The following PCDHGB1 variants were observed in gnomAD, a reference collection of about 807,000 sequenced individuals.
PCDHGB1 encodes the protein protocadherin gamma-B1.
A neutral mutation model predicts 56.6 loss-of-function variants in PCDHGB1; 34 were observed. The observed-to-expected ratio is 0.60, with a 90% CI of 0.46 to 0.80. The LOEUF (loss-of-function observed/expected upper bound fraction) is 0.80, where lower values mean the gene tolerates loss of function less well. PCDHGB1 is among the 30% of genes least tolerant of loss of function. PCDHGB1 has a pLI of 0.00. For missense variants in PCDHGB1, 1,278 were observed against 1,204.6 expected, an observed-to-expected ratio of 1.06 and a Z score of -0.90; for synonymous variants, 561 against 505.9, an observed-to-expected ratio of 1.11 and a Z score of -1.46.
rs112156044 is a variant in PCDHGB1, at chr5:141,476,771, G to A, written c.2410-18036G>A. The A allele has an allele frequency of 6.2e-7, 1 of 1,613,700 alleles. No homozygotes were observed. The highest frequency in any genetic ancestry group is 1.3e-5 in the African/African-American group (1 of 75,036). On this transcript the variant is annotated intron_variant, in intron 1 of 3. Coordinates refer to ENST00000523390, the MANE Select transcript of PCDHGB1 (RefSeq NM_018922.3). The surrounding 1 kb of genome is among the most constrained non-coding windows in gnomAD (Gnocchi z 7.6). ...CCAGTTAGTGCTGACGGCGTTGGAC[G>A]GAGGGACCCCAGCTCTCTCCGCCAG...
chr5:141,424,616 T>C (rs1487572877), intron 1 of PCDHGB1: 1 of 152,152 alleles, frequency 6.6e-6, no homozygotes, highest in Non-Finnish European at 1.5e-5. Flanking sequence ...TCAAATAGAG[T>C]AGTTTGTGAA....
chr5:141,441,813 A>T, intron 1 of PCDHGB1: 1 of 365,242 alleles, frequency 2.7e-6, no homozygotes, highest in South Asian at 2.3e-5. Context: ...GCTGTACCCC[A>T]GCTCTGGAGC....
intron 1 of PCDHGB1, chr5:141,492,069 C>A (rs1595083522): frequency 2.1e-6 from 1 of 475,880 alleles, no homozygotes; most frequent in East Asian, 3.3e-5. Context: ...GCCTCCTAGG[C>A]GCCGGCTCCG....
At chr5:141,422,900 A>G (rs2096684887) in intron 1 of PCDHGB1, 2 of 1,614,220 alleles carry the variant, frequency 1.2e-6, no homozygotes, top group South Asian at 2.2e-5. Flanking sequence ...GACCAGAACG[A>G]CAATGCGCCC....
chr5:141,376,737 A>C, intron 1 of PCDHGB1: 1 of 500,806 alleles, frequency 2.0e-6, no homozygotes, highest in Non-Finnish European at 3.3e-6. Context: ...CGGACTGCGG[A>C]CTGCAGTGGC....
intron 1 of PCDHGB1, chr5:141,478,292 CTATA>C (rs1257685524): frequency 6.2e-7 from 1 of 1,614,146 alleles, no homozygotes; most frequent in Admixed American, 1.7e-5. Flanking sequence ...GTCTAGAGAC[CTATA>C]CCGAGCCCCG....
chr5:141,423,246 G>A, intron 1 of PCDHGB1: 15 of 1,613,922 alleles, frequency 9.3e-6, no homozygotes, highest in Non-Finnish European at 1.3e-5. Context: ...CCGAAGTCCT[G>A]GCGGACCTCG....
In PCDHGB1 at chr5:141,431,375, G is replaced by T. The variant is rs139873616; in HGVS notation, c.2410-63432G>T. ...ACGCGCCCTGGACCGCGAAGAAAAGGCTGCTCACCACCTGGTCCTTACGGC... is the reference window on the plus strand; with the variant it reads ...ACGCGCCCTGGACCGCGAAGAAAAGTCTGCTCACCACCTGGTCCTTACGGC... On this transcript the variant is annotated intron_variant, in intron 1 of 3. Coordinates refer to ENST00000523390, the MANE Select transcript of PCDHGB1 (RefSeq NM_018922.3). This position sits in a 1 kb window ranked among gnomAD's most constrained non-coding sequence, Gnocchi z 4.8. 21 of 1,613,422 alleles carry T rather than the reference G, an allele frequency of 1.3e-5. No homozygotes were observed. The African/African-American group carries it at 2.8e-4, about 21-fold the overall frequency.
intron 1 of PCDHGB1, among the ~76,000 whole-genome samples, chr5:141,481,400 T>C (rs2154578591): frequency 6.6e-6 from 1 of 152,358 alleles, no homozygotes; most frequent in East Asian, 1.9e-4. Context: ...GTGACAAAAT[T>C]CTTGTATAAT....
chr5:141,352,470 C>A lies in PCDHGB1; in HGVS notation c.2210C>A (p.Pro737His), dbSNP rs1356283636. ...LCSKSGPGVP[P>H]NHSEGTLPYS... ...TCCAAGTCTGGGCCCGGGGTTCCTC[C>A]CAACCACAGCGAGGGGACTTTGCCC... Residue 737 changes from proline (P) to histidine (H), a missense_variant, in exon 1 of 4, where the codon CCC (proline) becomes CAC (histidine). Transcript: ENST00000523390. The A allele has an allele frequency of 6.2e-7, 1 of 1,614,016 alleles. No homozygotes were observed. The highest frequency in any genetic ancestry group is 2.2e-5 in the East Asian group (1 of 44,884).
chr5:141,454,948 C>T (rs2098807728), intron 1 of PCDHGB1, among the ~76,000 whole-genome samples: 1 of 151,548 alleles, frequency 6.6e-6, no homozygotes, highest in Non-Finnish European at 1.5e-5. Flanking sequence ...GCTGGGACTA[C>T]AGGCGCCGGC....
chr5:141,350,645 C>T lies in PCDHGB1; in HGVS notation c.385C>T (p.Arg129Cys), dbSNP rs1758527219. 1.9e-6 allele frequency: 3 copies of T among 1,613,990 alleles called. No individual in the cohort carries two copies. Among genetic ancestry groups the T allele is most frequent in the East Asian group, 2.2e-5 (1 of 44,880 alleles). The change falls in exon 1 of 4, where the codon CGT (arginine) becomes TGT (cysteine). Residue 129 changes from arginine to cysteine, a missense_variant. By Grantham distance (180) the Arg-to-Cys change is radical. Coordinates refer to ENST00000523390, the MANE Select transcript of PCDHGB1 (RefSeq NM_018922.3). ...CCAAGATATTAATGACAATGCACCA[C>T]GTTTCGTTGCAAAAGGCATTGACTT... is the stretch of plus-strand genomic sequence containing the variant. The part of the protein sequence containing the change: ...VIQDINDNAP[R>C]FVAKGIDLEI...
chr5:141,392,882 G>A (rs1394691115), intron 1 of PCDHGB1: 2 of 1,613,502 alleles, frequency 1.2e-6, no homozygotes, highest in Non-Finnish European at 1.7e-6. Flanking sequence ...TGGGAACGCT[G>A]TGGGAAATCG....
chr5:141,490,045 C>G lies in PCDHGB1; in HGVS notation c.2410-4762C>G, dbSNP rs530803072. 6 of 1,614,114 alleles carry G rather than the reference C, an allele frequency of 3.7e-6. No individual in the cohort carries two copies. The highest frequency in any genetic ancestry group is 5.1e-6 in the Non-Finnish European group (6 of 1,180,014). On this transcript the variant is annotated intron_variant, in intron 1 of 3. Coordinates refer to ENST00000523390, the MANE Select transcript of PCDHGB1 (RefSeq NM_018922.3). This position sits in a 1 kb window ranked among gnomAD's most constrained non-coding sequence, Gnocchi z 5.4. ...GCTGCTCCGCCTCAATGCCACTGAT[C>G]CAGACGAGGGCACCAACGGCCAACT...
chr5:141,385,223 A>G, intron 1 of PCDHGB1: 2 of 1,614,184 alleles, frequency 1.2e-6, no homozygotes, highest in Non-Finnish European at 1.7e-6. Context: ...CAGCCCAACT[A>G]TGTAGACATG....
Position 141,387,745 on chromosome 5 carries a change from C to T in PCDHGB1, c.2409+35076C>T, listed in dbSNP as rs933790239. On this transcript the variant is annotated intron_variant, in intron 1 of 3. Coordinates refer to ENST00000523390, the MANE Select transcript of PCDHGB1 (RefSeq NM_018922.3). ...CCCAGCGCCAGCCTTTACACCGCTT[C>T]CTCCTCGGAAAAAGAAGAATTTTTT... 4 of 1,355,066 alleles carry T rather than the reference C, an allele frequency of 3.0e-6. No homozygotes were observed. In the Admixed American group the frequency reaches 8.1e-5, roughly 28 times the overall value. 83.9% of individuals were successfully genotyped at this position (1,355,066 alleles called of 1,614,324 possible).
At chr5:141,387,566 T>C in intron 1 of PCDHGB1, 1 of 445,866 alleles carries the variant, frequency 2.2e-6, no homozygotes, top group Non-Finnish European at 4.0e-6. Context: ...GGCACACAAT[T>C]ATAATTATTG....
At position 141,494,833 on chromosome 5, in the gene PCDHGB1, T is replaced by C. The variant is rs537340090; in HGVS notation, c.2436T>C (p.Arg812=). 1 of 1,614,094 alleles carries C rather than the reference T, an allele frequency of 6.2e-7. No homozygotes were observed. The highest frequency in any genetic ancestry group is 1.7e-5 in the Admixed American group (1 of 60,014). Residue 812 remains arginine, a synonymous_variant, in exon 2 of 4, where the codon CGT becomes CGC. Coordinates refer to ENST00000523390, the MANE Select transcript of PCDHGB1 (RefSeq NM_018922.3). ...SHQAPPNTDW[R]FSQAQRPGTS... Reference sequence around the variant, plus strand: ...AAGCCCCGCCCAACACGGACTGGCGTTTCTCTCAGGCCCAGAGACCCGGCA... The same window carrying C: ...AAGCCCCGCCCAACACGGACTGGCGCTTCTCTCAGGCCCAGAGACCCGGCA...
At chr5:141,408,816 A>T in intron 1 of PCDHGB1, 1 of 1,613,562 alleles carries the variant, frequency 6.2e-7, no homozygotes, top group East Asian at 2.2e-5. Flanking sequence ...CGGGAAGAAC[A>T]GAGATCTCAT....
Sources: gnomAD v4.1 joint callset for allele counts (sites outside exome capture counted in the v4.1 genomes callset) on GRCh38, gnomAD v4.1.1 for gene constraint, Gnocchi (gnomAD v3.1) non-coding constraint, MANE v1.5 for transcripts, NCBI Gene and HGNC (gene_info 2026-07-23, HGNC 2026-07-21) for gene names.